Variants in TYK2 observed in about 807,000 individuals in gnomAD.
TYK2 encodes the protein non-receptor tyrosine-protein kinase TYK2.
A neutral mutation model predicts 130.9 loss-of-function variants in TYK2; 65 were observed. That is an observed-to-expected ratio of 0.50 (90% CI 0.41 to 0.61). The LOEUF is 0.61. Among genes scored for constraint, TYK2 ranks in the 20% least tolerant of loss-of-function variants. The pLI is 0.00. For missense variants in TYK2, 1,378 were observed against 1,610.7 expected, an observed-to-expected ratio of 0.86 and a Z score of 2.47; for synonymous variants, 647 against 658.9, an observed-to-expected ratio of 0.98 and a Z score of 0.28.
chr19:10,357,576 G>A, intron 17 of TYK2, 188 bp downstream of exon 17: 1 of 801,680 alleles, frequency 1.2e-6, no homozygotes, highest in South Asian at 1.4e-5. Context: ...AGGCACAAGT[G>A]ACTTCCACAA....
At chr19:10,372,476 A>ATTTTT (rs1568343170) in intron 3 of TYK2, among the ~76,000 whole-genome samples, 2 of 63,712 alleles carry the variant, frequency 3.1e-5, no homozygotes, top group African/African-American at 2.2e-4. Flanking sequence ...ATATATATAT[A>ATTTTT]TATATATATT....
At chr19:10,363,187 CT>C (rs942594471) in intron 9 of TYK2, among the ~76,000 whole-genome samples, 2,584 of 127,672 alleles carry the variant, frequency 0.02, 55 homozygotes, top group African/African-American at 0.064. Context: ...CCTGATCTCT[CT>C]TTTTTTTTTT....
rs985971307 is a variant in TYK2, at chr19:10,351,078, G to A, written c.3403C>T (p.Pro1135Ser). The stretch of plus-strand genomic sequence containing the variant: ...TCACAGGGACATTTGTCGGGCCGTG[G>A]CAGCCTCTCCCCTCGTTCCAGCAAC... ...TELLERGERL[P>S]RPDKCPCEVY... The change falls in exon 24 of 25, where the codon CCA (proline) becomes TCA (serine). Residue 1135 changes from proline to serine, a missense_variant. Coordinates refer to ENST00000525621, the MANE Select transcript of TYK2 (RefSeq NM_003331.5). 3 of 1,613,992 alleles carry A rather than the reference G, an allele frequency of 1.9e-6. No individual in the cohort carries two copies. The highest frequency in any genetic ancestry group is 2.5e-6 in the Non-Finnish European group (3 of 1,180,022).
chr19:10,350,690 G>C lies in TYK2; in HGVS notation c.*144C>G. On this transcript the variant is annotated 3_prime_UTR_variant, in exon 25 of 25. Transcript: ENST00000525621. The stretch of plus-strand genomic sequence containing the variant: ...AAGAAAGAAAAATAAGTTCACAGAG[G>C]TGGGGTCTCTAGACAGGAGTAAGGC... 3.2e-6 allele frequency: 3 copies of C among 949,548 alleles called. No homozygotes were observed. The highest frequency in any genetic ancestry group is 4.7e-6 in the Non-Finnish European group (3 of 635,788). 58.8% of individuals were successfully genotyped at this position (949,548 alleles called of 1,614,324 possible).
intron 3 of TYK2, among the ~76,000 whole-genome samples, chr19:10,374,889 A>T (rs1188865515): frequency 3.9e-5 from 6 of 152,178 alleles, no homozygotes; most frequent in African/African-American, 1.4e-4. Context: ...TTTCAAAAAA[A>T]AAAAAAAAAT....
chr19:10,355,143 C>T (rs1461170302), intron 18 of TYK2, among the ~76,000 whole-genome samples: 4 of 151,044 alleles, frequency 2.6e-5, no homozygotes, highest in Non-Finnish European at 5.9e-5. Flanking sequence ...AAGAGAAAAA[C>T]TGGCCAGGCG....
chr19:10,352,510 G>A lies in TYK2; in HGVS notation c.3242C>T (p.Ala1081Val), dbSNP rs2040862056. 12 of 1,599,026 alleles carry A rather than the reference G, an allele frequency of 7.5e-6. No individual in the cohort carries two copies. The highest frequency in any genetic ancestry group is 1.0e-5 in the Non-Finnish European group (12 of 1,171,292). Residue 1081 changes from alanine (A) to valine (V), a missense_variant, in exon 23 of 25, where the codon GCG becomes GTG. Ala to Val is a moderately conservative substitution (Grantham distance 64). Coordinates refer to ENST00000525621, the MANE Select transcript of TYK2 (RefSeq NM_003331.5). Reference sequence around the variant, plus strand: ...CACCCCGAAGGACCAGACATCTGACGCATAGTAGAACTTATACTCCTTCAG... The same window carrying A: ...CACCCCGAAGGACCAGACATCTGACACATAGTAGAACTTATACTCCTTCAG... ...ECLKEYKFYY[A>V]SDVWSFGVTL... is the part of the protein sequence containing the mutation.
intron 3 of TYK2, 131 bp from the exon 4 acceptor site, chr19:10,368,549 C>T (rs776261755): frequency 1.9e-5 from 26 of 1,395,932 alleles, no homozygotes; most frequent in Middle Eastern, 2.3e-4. Flanking sequence ...TTCAGTCTCA[C>T]GTTGCCCCTG....
chr19:10,369,540 A>T (rs1034159612), intron 3 of TYK2, among the ~76,000 whole-genome samples: 26 of 152,152 alleles, frequency 1.7e-4, no homozygotes, highest in African/African-American at 5.8e-4. Flanking sequence ...CAGTTCTTCA[A>T]ACCAGGAACT....
In TYK2 at chr19:10,350,892, A is replaced by G; in HGVS notation, c.3506T>C (p.Leu1169Pro). The change falls in exon 25 of 25, where the codon CTG (leucine) becomes CCG (proline). Residue 1169 changes from leucine (L) to proline (P), a missense_variant. Coordinates refer to ENST00000525621, the MANE Select transcript of TYK2 (RefSeq NM_003331.5). ...TTGGTACTTCTCATGGACTGTCTTC[A>G]GAATGGGTATGAGGTTCTCGAAGGT... ...RPTFENLIPI[L>P]KTVHEKYQGQ... The G allele has an allele frequency of 6.2e-7, 1 of 1,614,210 alleles. No homozygotes were observed. Among genetic ancestry groups the G allele is most frequent in the Non-Finnish European group, 8.5e-7 (1 of 1,180,038 alleles).
In TYK2 at chr19:10,352,238, A is replaced by T. The variant is rs187586005; in HGVS notation, c.3318+196T>A. On this transcript the variant is annotated intron_variant, in intron 23 of 24. Transcript: ENST00000525621. ...AGGCGCCCGCCACCACGCCTGGCTAATTTTTTTTGTATTTTTAGTAGAGAC... is the reference window on the plus strand; with the variant it reads ...AGGCGCCCGCCACCACGCCTGGCTATTTTTTTTTGTATTTTTAGTAGAGAC... Among the ~76,000 whole-genome samples the T allele has an allele frequency of 5.1e-3, 744 of 146,592 alleles. 3 individuals carry two copies. Among genetic ancestry groups the T allele is most frequent in the African/African-American group, 0.016 (651 of 39,538 alleles).
In TYK2 at chr19:10,352,553, T is replaced by A; in HGVS notation, c.3201-2A>T. 2 of 1,136,562 alleles carry A rather than the reference T, an allele frequency of 1.8e-6. No homozygotes were observed. The highest frequency in any genetic ancestry group is 1.2e-6 in the Non-Finnish European group (1 of 824,766). 70.4% of individuals were successfully genotyped at this position (1,136,562 alleles called of 1,614,324 possible). The stretch of plus-strand genomic sequence containing the variant: ...TCCTTCAGGCACTCTGGGGCATACC[T>A]AGGGGGAGGGGGGCACTCAGGCCAC... On this transcript the variant is annotated splice_acceptor_variant, in intron 22 of 24. Coordinates refer to ENST00000525621, the MANE Select transcript of TYK2 (RefSeq NM_003331.5). LOFTEE classifies it high-confidence loss of function.
chr19:10,368,562 C>A, intron 3 of TYK2, 144 bp from the exon 4 acceptor site: 3 of 1,229,520 alleles, frequency 2.4e-6, no homozygotes, highest in Non-Finnish European at 1.2e-6. Flanking sequence ...TGCCCCTGGG[C>A]AGAGGACAGT....
At chr19:10,370,745 A>G (rs2039451741) in intron 3 of TYK2, among the ~76,000 whole-genome samples, 1 of 151,858 alleles carries the variant, frequency 6.6e-6, no homozygotes, top group Non-Finnish European at 1.5e-5. Flanking sequence ...TTGAACCTGG[A>G]GGCAGAGGTT....
Position 10,359,200 on chromosome 19 carries a change from T to G in TYK2, c.2150A>C (p.Gln717Pro). The G allele has an allele frequency of 6.2e-7, 1 of 1,606,230 alleles. No homozygotes were observed. Reference protein sequence around the residue: ...PMAWKMVVAQQLASALSYLEN... With the variant: ...PMAWKMVVAQPLASALSYLEN... ...CAGGTAGCTGAGGGCGCTGGCCAGCTGCTGGGCCACCACCATCTTCCAAGC... is the reference window on the plus strand; with the variant it reads ...CAGGTAGCTGAGGGCGCTGGCCAGCGGCTGGGCCACCACCATCTTCCAAGC... Residue 717 changes from glutamine to proline, a missense_variant, in exon 15 of 25, where the codon CAG becomes CCG. Coordinates refer to ENST00000525621, the MANE Select transcript of TYK2 (RefSeq NM_003331.5).
chr19:10,360,687 C>T (rs2041357068), intron 14 of TYK2, among the ~76,000 whole-genome samples: 1 of 151,256 alleles, frequency 6.6e-6, no homozygotes, highest in Non-Finnish European at 1.5e-5. Context: ...CACACACACA[C>T]ACACACAGGG....
intron 14 of TYK2, among the ~76,000 whole-genome samples, chr19:10,360,112 G>A (rs1355675711): frequency 6.6e-6 from 1 of 151,872 alleles, no homozygotes; most frequent in Non-Finnish European, 1.5e-5. Context: ...AACCCGGGAG[G>A]CGGAGGTTGC....
intron 3 of TYK2, among the ~76,000 whole-genome samples, chr19:10,372,136 G>A (rs1471974424): frequency 3.3e-5 from 5 of 150,900 alleles, no homozygotes; most frequent in Non-Finnish European, 7.4e-5. Flanking sequence ...GACTACAGGC[G>A]CCCGCCACCA....
At chr19:10,358,999 G>T (rs1388041128) in intron 15 of TYK2, among the ~76,000 whole-genome samples, 176 bp downstream of exon 15, 1 of 152,158 alleles carries the variant, frequency 6.6e-6, no homozygotes, top group Non-Finnish European at 1.5e-5. Context: ...GGAGGCGAAG[G>T]TTGCAGTGAG....
Sources: allele counts gnomAD v4.1 joint callset (sites outside exome capture counted in the v4.1 genomes callset), GRCh38; gene constraint gnomAD v4.1.1; transcripts MANE v1.5; gene names NCBI Gene and HGNC (gene_info 2026-07-23, HGNC 2026-07-21).